The following PTGFR variants were observed in gnomAD, a reference collection of about 807,000 sequenced individuals.
PTGFR encodes the protein prostaglandin F2-alpha receptor.
Under a neutral mutation model 26.2 loss-of-function variants are expected in PTGFR, and 15 were observed. The observed-to-expected ratio is 0.57, with a 90% CI of 0.38 to 0.88. The LOEUF (loss-of-function observed/expected upper bound fraction) is 0.88. PTGFR is among the 40% of genes least tolerant of loss of function. PTGFR has a pLI of 0.00. For missense variants in PTGFR, 369 were observed against 427.2 expected (o/e 0.86, Z 1.20); for synonymous variants, 165 against 151.1 (o/e 1.09, Z -0.68).
At chr1:78,532,310 G>A in intron 2 of PTGFR, 1 of 231,354 alleles carries the variant, frequency 4.3e-6, no homozygotes, top group South Asian at 4.6e-5. Flanking sequence ...TGCTGGCTCA[G>A]ACGTGACACC....
At chr1:78,521,827 A>G (rs1375161728) in intron 2 of PTGFR, among the ~76,000 whole-genome samples, 6 of 152,124 alleles carry the variant, frequency 3.9e-5, no homozygotes, top group African/African-American at 1.4e-4. Context: ...TTGATCTACT[A>G]TATATAAATT....
chr1:78,498,958 C>T (rs565943357), intron 2 of PTGFR, among the ~76,000 whole-genome samples: 3 of 152,170 alleles, frequency 2.0e-5, no homozygotes, highest in East Asian at 1.9e-4. Context: ...TAACTTAGAC[C>T]TCAACAACTC....
intron 2 of PTGFR, among the ~76,000 whole-genome samples, chr1:78,526,441 T>C (rs961505845): frequency 9.2e-5 from 14 of 151,996 alleles, no homozygotes; most frequent in Non-Finnish European, 1.5e-4. Flanking sequence ...GAGGTGTAAA[T>C]TGACAGAGTA....
chr1:78,516,121 A>C (rs1650085862), intron 2 of PTGFR, among the ~76,000 whole-genome samples: 1 of 152,166 alleles, frequency 6.6e-6, no homozygotes, highest in African/African-American at 2.4e-5. Context: ...TTTTTTTAAA[A>C]AAACCACACG....
intron 2 of PTGFR, 74 bp downstream of exon 2, chr1:78,493,615 G>A: frequency 7.2e-7 from 1 of 1,393,054 alleles, no homozygotes; most frequent in Non-Finnish European, 9.6e-7. Flanking sequence ...TGGAAGTTCA[G>A]TCTTTTAAAT....
At chr1:78,495,740 C>T (rs758881276) in intron 2 of PTGFR, among the ~76,000 whole-genome samples, 16 of 152,176 alleles carry the variant, frequency 1.1e-4, no homozygotes, top group Admixed American at 2.0e-4. Flanking sequence ...TGGAAGGAAG[C>T]AAAATTTCAT....
At chr1:78,526,296 A>G (rs1650371917) in intron 2 of PTGFR, among the ~76,000 whole-genome samples, 2 of 152,086 alleles carry the variant, frequency 1.3e-5, no homozygotes, top group Admixed American at 6.6e-5. Flanking sequence ...AATTCAACAC[A>G]CTGAGAGCTG....
intron 2 of PTGFR, among the ~76,000 whole-genome samples, chr1:78,508,908 C>A (rs907900964): frequency 6.6e-6 from 1 of 151,878 alleles, no homozygotes; most frequent in Non-Finnish European, 1.5e-5. Context: ...ATTCTTTTTA[C>A]TGAGGTGATT....
Position 78,524,906 on chromosome 1 carries a change from A to ATTTTT in PTGFR, c.799-11470_799-11466dup, listed in dbSNP as rs35641651. On this transcript the variant is annotated intron_variant, in intron 2 of 2. Transcript: ENST00000370757. ...GCTCTACACTTTGGACAAATGCAAG[A>ATTTTT]TTTTTTTTTTTTTTTTTTTTTTTTT... 4.9e-3 allele frequency among the ~76,000 whole-genome samples: 343 copies of ATTTTT among 70,404 alleles called. 2 individuals carry two copies. Among genetic ancestry groups the ATTTTT allele is most frequent in the Non-Finnish European group, 6.1e-3 (228 of 37,474 alleles). 46.2% of individuals were successfully genotyped at this position (70,404 alleles called of 152,430 possible).
intron 1 of PTGFR, among the ~76,000 whole-genome samples, 169 bp from the exon 2 acceptor site, chr1:78,492,503 A>G (rs1178611991): frequency 2.0e-5 from 3 of 152,190 alleles, no homozygotes; most frequent in Non-Finnish European, 4.4e-5. Context: ...CACCTTGAAA[A>G]TGAAATGTGG....
At chr1:78,530,178 T>C (rs1312563298) in intron 2 of PTGFR, among the ~76,000 whole-genome samples, 1 of 152,200 alleles carries the variant, frequency 6.6e-6, no homozygotes, top group Non-Finnish European at 1.5e-5. Context: ...GTGAATCTAT[T>C]AGTGATACTT....
intron 2 of PTGFR, among the ~76,000 whole-genome samples, chr1:78,509,976 T>A (rs1348496860): frequency 2.0e-5 from 3 of 152,206 alleles, no homozygotes; most frequent in Non-Finnish European, 2.9e-5. Flanking sequence ...ACTTCTTGGG[T>A]TGTTTTACAT....
Position 78,536,390 on chromosome 1 carries a change from T to C in PTGFR, c.799-16T>C, listed in dbSNP as rs759837353. On this transcript the variant is annotated splice_polypyrimidine_tract_variant and intron_variant, in intron 2 of 2. Transcript: ENST00000370757. ...AAGGCTGCATCAACTAATTTCCGTG[T>C]TTTCTTCGTTTCTAGGTTACAATGG... The C allele has an allele frequency of 6.3e-7, 1 of 1,590,614 alleles. No homozygotes were observed.
At position 78,539,226 on chromosome 1, in the gene PTGFR, G is replaced by T. The variant is rs981820025; in HGVS notation, c.*2539G>T. The T allele has an allele frequency of 2.0e-5, 3 of 151,612 alleles. No homozygotes were observed. Among genetic ancestry groups the T allele is most frequent in the African/African-American group, 7.3e-5 (3 of 41,260 alleles). The allele number at this position is 151,612 out of a possible 1,614,324, so 9.4% of individuals were successfully genotyped here. ...TAGCTAAAACGAAAAATACCTGAAA[G>T]TTAATACATACATATGTAGATATAT... On this transcript the variant is annotated 3_prime_UTR_variant, in exon 3 of 3. Transcript: ENST00000370757.
intron 2 of PTGFR, among the ~76,000 whole-genome samples, chr1:78,506,034 T>G (rs1489893904): frequency 6.6e-6 from 1 of 152,190 alleles, no homozygotes; most frequent in East Asian, 1.9e-4. Flanking sequence ...CTGTTTACAA[T>G]TCTTTTGGGT....
At chr1:78,509,699 C>A (rs1649917613) in intron 2 of PTGFR, among the ~76,000 whole-genome samples, 1 of 152,192 alleles carries the variant, frequency 6.6e-6, no homozygotes, top group Non-Finnish European at 1.5e-5. Context: ...ATTTCCATTG[C>A]ATGCTATTGA....
chr1:78,520,882 T>C (rs1005930039), intron 2 of PTGFR, among the ~76,000 whole-genome samples: 3 of 152,116 alleles, frequency 2.0e-5, no homozygotes, highest in African/African-American at 4.8e-5. Context: ...TCAAGTTCCA[T>C]GAGGGACTTT....
At chr1:78,532,011 A>G (rs1192779123) in intron 2 of PTGFR, among the ~76,000 whole-genome samples, 1 of 152,048 alleles carries the variant, frequency 6.6e-6, no homozygotes, top group Admixed American at 6.6e-5. Flanking sequence ...AGAGATCAAG[A>G]AAGGTTTTCT....
chr1:78,524,540 A>G (rs1371510602), intron 2 of PTGFR, among the ~76,000 whole-genome samples: 2 of 152,122 alleles, frequency 1.3e-5, no homozygotes, highest in Non-Finnish European at 2.9e-5. Context: ...GAGGCAAGAC[A>G]TTTGATTATA....
Sources: gnomAD v4.1 joint callset for allele counts (sites outside exome capture counted in the v4.1 genomes callset) on GRCh38, gnomAD v4.1.1 for gene constraint, MANE v1.5 for transcripts, NCBI Gene and HGNC (gene_info 2026-07-23, HGNC 2026-07-21) for gene names.